Variants in SDC4 observed in about 807,000 individuals in gnomAD.
SDC4 encodes the protein syndecan-4.
A neutral mutation model predicts 20.5 loss-of-function variants in SDC4; 17 were observed. The observed-to-expected ratio is 0.83, with a 90% CI of 0.57 to 1.25. The LOEUF (loss-of-function observed/expected upper bound fraction) is 1.25, where lower values mean the gene tolerates loss of function less well. Ranked by LOEUF, SDC4 falls within the 50% of genes most tolerant of loss-of-function variation. SDC4 has a pLI of 0.00. For synonymous variants in SDC4, 107 were observed against 105.3 expected (o/e 1.02, Z -0.10); for missense variants, 241 against 252.3 (o/e 0.96, Z 0.30).
At position 45,348,235 on chromosome 20, in the gene SDC4, G is replaced by GCCC. The variant is rs5841588; in HGVS notation, c.60+87_60+89dup. 7.9e-4 allele frequency: 701 copies of GCCC among 889,984 alleles called. 1 individual carries two copies. In the South Asian group the frequency reaches 8.1e-3, roughly 10 times the overall value. The allele number at this position is 889,984 out of a possible 1,614,324, so 55.1% of individuals were successfully genotyped here. A position where few individuals can be genotyped will look rare whatever the true frequency, so the allele number is the denominator to read the frequency against. On this transcript the variant is annotated intron_variant, in intron 1 of 4. Transcript: ENST00000372733. ...GTTGGGGGTAGCGTACCCCCGATCTGCCCCCCCCCATCCCACGCTCCGACG... is the reference window on the plus strand; with the variant it reads ...GTTGGGGGTAGCGTACCCCCGATCTGCCCCCCCCCCCCATCCCACGCTCCGACG...
chr20:45,340,265 G>A (rs536328933), intron 1 of SDC4, among the ~76,000 whole-genome samples: 33 of 152,336 alleles, frequency 2.2e-4, no homozygotes, highest in Non-Finnish European at 3.7e-4. Flanking sequence ...CAAGCACCAT[G>A]CTGGGTACTT....
At chr20:45,336,064 C>G in intron 1 of SDC4, 144 bp from the exon 2 acceptor site, 2 of 751,334 alleles carry the variant, frequency 2.7e-6, no homozygotes, top group Non-Finnish European at 4.2e-6. Flanking sequence ...TCCCACTCTA[C>G]CTCTAACTCA....
rs1017674771 is a variant in SDC4 at position 45,326,252 on chromosome 20, G to T, written c.*1012C>A. 6.8e-6 allele frequency: 1 copy of T among 147,230 alleles called. No homozygotes were observed. Among genetic ancestry groups the T allele is most frequent in the Non-Finnish European group, 1.5e-5 (1 of 65,934 alleles). 9.1% of individuals were successfully genotyped at this position (147,230 alleles called of 1,614,324 possible). On this transcript the variant is annotated 3_prime_UTR_variant, in exon 5 of 5. Coordinates refer to ENST00000372733, the MANE Select transcript of SDC4 (RefSeq NM_002999.4). ...GGCAAAAGCTATTTTATAAGAGGAAGCAGCTTCAGAAAGGGCCAAGGCCAT... is the reference window on the plus strand; with the variant it reads ...GGCAAAAGCTATTTTATAAGAGGAATCAGCTTCAGAAAGGGCCAAGGCCAT...
chr20:45,336,841 C>A (rs928928269), intron 1 of SDC4, among the ~76,000 whole-genome samples: 1 of 152,130 alleles, frequency 6.6e-6, no homozygotes, highest in Non-Finnish European at 1.5e-5. Flanking sequence ...GCTGCCCAGA[C>A]CTGATGACTC....
chr20:45,348,017 G>T (rs921374888), intron 1 of SDC4, among the ~76,000 whole-genome samples: 13 of 152,160 alleles, frequency 8.5e-5, no homozygotes, highest in Non-Finnish European at 2.9e-5. Context: ...CCAGGGAAGG[G>T]ACGAGGGTGT....
intron 1 of SDC4, among the ~76,000 whole-genome samples, chr20:45,348,068 C>T (rs1046179643): frequency 6.6e-6 from 1 of 152,234 alleles, no homozygotes; most frequent in Non-Finnish European, 1.5e-5. Context: ...ACTAACGAGC[C>T]CGTAGCCCGC....
At chr20:45,344,737 G>A (rs759612976) in intron 1 of SDC4, among the ~76,000 whole-genome samples, 1 of 152,178 alleles carries the variant, frequency 6.6e-6, no homozygotes, top group Non-Finnish European at 1.5e-5. Flanking sequence ...TCACCAAGGA[G>A]GCCAGCAAAG....
intron 2 of SDC4, among the ~76,000 whole-genome samples, chr20:45,333,626 A>G (rs6104121): frequency 0.75 from 114,190 of 152,116 alleles, 43,016 homozygotes; most frequent in East Asian, 0.95. Flanking sequence ...CCAAGATGGT[A>G]CCACCGCACT....
chr20:45,331,034 T>C (rs897993217), intron 3 of SDC4, among the ~76,000 whole-genome samples: 15 of 152,228 alleles, frequency 9.9e-5, no homozygotes, highest in African/African-American at 3.6e-4. Flanking sequence ...TTGCTTTCAC[T>C]TTACTCTATG....
chr20:45,347,542 C>T (rs1486398364), intron 1 of SDC4, among the ~76,000 whole-genome samples: 2 of 152,200 alleles, frequency 1.3e-5, no homozygotes, highest in Non-Finnish European at 2.9e-5. Flanking sequence ...ACCCCCTTCA[C>T]CTCACTCAAG....
At chr20:45,347,436 A>G (rs1457005052) in intron 1 of SDC4, among the ~76,000 whole-genome samples, 1 of 151,942 alleles carries the variant, frequency 6.6e-6, no homozygotes, top group African/African-American at 2.4e-5. Context: ...GGGCATGGAT[A>G]GAGCTTCTGC....
chr20:45,329,578 A>G (rs1987744865), intron 4 of SDC4, among the ~76,000 whole-genome samples: 1 of 152,178 alleles, frequency 6.6e-6, no homozygotes, highest in Admixed American at 6.5e-5. Context: ...TCCTGGATGA[A>G]GCCAGGCTCT....
At chr20:45,334,875 C>T (rs1346175319) in intron 2 of SDC4, among the ~76,000 whole-genome samples, 2 of 152,196 alleles carry the variant, frequency 1.3e-5, no homozygotes, top group Admixed American at 1.3e-4. Flanking sequence ...GTCCCCACAA[C>T]ACTGATGTAC....
chr20:45,348,399 G>C lies in SDC4; in HGVS notation c.-15C>G, dbSNP rs757000908. On this transcript the variant is annotated 5_prime_UTR_variant, in exon 1 of 5. Transcript: ENST00000372733. The stretch of plus-strand genomic sequence containing the variant: ...GCGGGGGCCATGGCACCGCGGACTG[G>C]AGAAGGCGCGCAGGCTGCGGCGAGT... 7.6e-5 allele frequency: 118 copies of C among 1,554,488 alleles called. No individual in the cohort carries two copies. In the African/African-American group the frequency reaches 1.4e-3, roughly 18 times the overall value.
intron 1 of SDC4, among the ~76,000 whole-genome samples, chr20:45,341,452 C>A (rs1987951210): frequency 6.6e-6 from 1 of 152,188 alleles, no homozygotes; most frequent in South Asian, 2.1e-4. Context: ...CTGTCCTAAG[C>A]AGACAGAGGT....
intron 3 of SDC4, among the ~76,000 whole-genome samples, chr20:45,332,807 TG>T (rs1987798374): frequency 6.6e-6 from 1 of 152,088 alleles, no homozygotes; most frequent in Admixed American, 6.5e-5. Flanking sequence ...TTGCCCAGGC[TG>T]GTCTTGAACT....
chr20:45,327,856 C>T (rs370746512), intron 4 of SDC4, among the ~76,000 whole-genome samples: 50 of 152,344 alleles, frequency 3.3e-4, no homozygotes, highest in African/African-American at 1.1e-3. Flanking sequence ...GTTGGCCAGG[C>T]TGGTCTTGAA....
At chr20:45,330,884 G>A (rs144207066) in intron 3 of SDC4, among the ~76,000 whole-genome samples, 1,703 of 152,324 alleles carry the variant, frequency 0.011, 34 homozygotes, top group African/African-American at 0.039. Context: ...CTTAGACATC[G>A]CTTGCCCTTT....
intron 1 of SDC4, among the ~76,000 whole-genome samples, chr20:45,344,516 G>A (rs539342223): frequency 9.2e-5 from 14 of 152,300 alleles, no homozygotes; most frequent in African/African-American, 2.9e-4. Flanking sequence ...TGTCCAGTCC[G>A]GGAGGTTGAA....
Sources: allele counts gnomAD v4.1 joint callset (sites outside exome capture counted in the v4.1 genomes callset), GRCh38; gene constraint gnomAD v4.1.1; transcripts MANE v1.5; gene names NCBI Gene and HGNC (gene_info 2026-07-23, HGNC 2026-07-21).